Variants in CHCHD6 observed in about 807,000 individuals in gnomAD.
The protein encoded by CHCHD6 is coiled-coil-helix-coiled-coil-helix domain containing 6.
CHCHD6 carries 28 observed loss-of-function variants against 32.3 expected under a neutral mutation model. The observed-to-expected ratio is 0.87, with a 90% CI of 0.64 to 1.19. The LOEUF (loss-of-function observed/expected upper bound fraction) is 1.19. CHCHD6 is among the 50% of genes most tolerant of loss of function. The pLI is 0.00. For missense variants in CHCHD6, 333 were observed against 307.0 expected, an observed-to-expected ratio of 1.08 and a Z score of -0.63; for synonymous variants, 122 against 117.5, an observed-to-expected ratio of 1.04 and a Z score of -0.25.
chr3:126,956,482 C>T (rs545920996), intron 6 of CHCHD6, among the ~76,000 whole-genome samples: 3 of 152,334 alleles, frequency 2.0e-5, no homozygotes, highest in Admixed American at 6.5e-5. Flanking sequence ...GCATGATGAA[C>T]GATAGTGTCT....
intron 4 of CHCHD6, among the ~76,000 whole-genome samples, chr3:126,815,042 A>G (rs1939819231): frequency 6.6e-6 from 1 of 152,220 alleles, no homozygotes; most frequent in African/African-American, 2.4e-5. Context: ...TTGGGCTCAC[A>G]GAAGTCTTCT....
At chr3:126,839,570 C>T (rs1210336606) in intron 4 of CHCHD6, among the ~76,000 whole-genome samples, 1 of 152,024 alleles carries the variant, frequency 6.6e-6, no homozygotes, top group Non-Finnish European at 1.5e-5. Context: ...GATCATTGTG[C>T]TTTCCTCCCT....
intron 6 of CHCHD6, among the ~76,000 whole-genome samples, chr3:126,948,153 C>T (rs2078666656): frequency 6.6e-6 from 1 of 152,248 alleles, no homozygotes; most frequent in Non-Finnish European, 1.5e-5. Flanking sequence ...GGGTCCAACC[C>T]CTTTGCAGCA....
At chr3:126,789,710 A>G (rs1184761939) in intron 4 of CHCHD6, among the ~76,000 whole-genome samples, 2 of 152,114 alleles carry the variant, frequency 1.3e-5, no homozygotes, top group African/African-American at 2.4e-5. Flanking sequence ...TTTTGAGCCT[A>G]TATGTGTCTC....
chr3:126,938,581 A>G (rs145836903), intron 6 of CHCHD6, among the ~76,000 whole-genome samples: 4 of 152,386 alleles, frequency 2.6e-5, no homozygotes, highest in Non-Finnish European at 5.9e-5. Flanking sequence ...CATCAGCCAC[A>G]TTAAAAGACT....
At chr3:126,842,796 A>G (rs569000317) in intron 4 of CHCHD6, among the ~76,000 whole-genome samples, 3 of 141,110 alleles carry the variant, frequency 2.1e-5, no homozygotes, top group South Asian at 2.2e-4. Context: ...TGTCCTTTTC[A>G]TTGCACTGAA....
chr3:126,950,963 A>T (rs1185541305), intron 6 of CHCHD6, among the ~76,000 whole-genome samples: 2 of 152,236 alleles, frequency 1.3e-5, no homozygotes, highest in Non-Finnish European at 2.9e-5. Flanking sequence ...CATATGTCAT[A>T]GATGGGAAGC....
chr3:126,741,116 A>G (rs776070173), intron 4 of CHCHD6, among the ~76,000 whole-genome samples: 1 of 152,192 alleles, frequency 6.6e-6, no homozygotes, highest in Non-Finnish European at 1.5e-5. Flanking sequence ...ATGTTATCCT[A>G]GAGTGGTGTA....
intron 4 of CHCHD6, among the ~76,000 whole-genome samples, chr3:126,822,675 C>A (rs560863397): frequency 6.6e-6 from 1 of 152,236 alleles, no homozygotes; most frequent in Non-Finnish European, 1.5e-5. Context: ...TCATTTAGGT[C>A]TCTGATCACT....
At chr3:126,947,742 G>A (rs189200323) in intron 6 of CHCHD6, among the ~76,000 whole-genome samples, 6 of 152,158 alleles carry the variant, frequency 3.9e-5, no homozygotes, top group East Asian at 1.9e-4. Flanking sequence ...TTTTCTGCCC[G>A]TGCTGTTGAC....
At chr3:126,911,552 A>G (rs141848530) in intron 5 of CHCHD6, among the ~76,000 whole-genome samples, 3 of 152,358 alleles carry the variant, frequency 2.0e-5, no homozygotes, top group African/African-American at 4.8e-5. Context: ...TGAGTGGGGT[A>G]GGCGGGTCAG....
intron 1 of CHCHD6, among the ~76,000 whole-genome samples, chr3:126,717,809 T>C (rs535634407): frequency 6.6e-6 from 1 of 152,216 alleles, no homozygotes; most frequent in South Asian, 2.1e-4. Flanking sequence ...GGCTTGGGCC[T>C]CTCCCTGGCC....
intron 4 of CHCHD6, among the ~76,000 whole-genome samples, chr3:126,807,199 A>C (rs1017730764): frequency 6.6e-6 from 1 of 152,078 alleles, no homozygotes; most frequent in East Asian, 1.9e-4. Context: ...AAAGTATAAA[A>C]AAAAAAAAAT....
intron 6 of CHCHD6, among the ~76,000 whole-genome samples, chr3:126,934,312 G>A (rs2078446817): frequency 6.6e-6 from 1 of 152,116 alleles, no homozygotes; most frequent in Admixed American, 6.5e-5. Context: ...TGTCAGGAAT[G>A]CCCGGGAGTT....
chr3:126,862,143 C>G (rs1941922180), intron 5 of CHCHD6, among the ~76,000 whole-genome samples: 1 of 77,786 alleles, frequency 1.3e-5, no homozygotes, highest in Non-Finnish European at 2.5e-5. Context: ...CCTCCTCCAC[C>G]ATCACCACCT....
intron 4 of CHCHD6, among the ~76,000 whole-genome samples, chr3:126,842,368 T>C (rs1343165624): frequency 6.6e-6 from 1 of 152,214 alleles, no homozygotes; most frequent in Non-Finnish European, 1.5e-5. Context: ...GTGATTCAAA[T>C]GCACTTTAAA....
chr3:126,878,167 C>A (rs2077564334), intron 5 of CHCHD6, among the ~76,000 whole-genome samples: 1 of 152,180 alleles, frequency 6.6e-6, no homozygotes, highest in Non-Finnish European at 1.5e-5. Flanking sequence ...TAAGCAGAAT[C>A]AATATGAATT....
chr3:126,805,692 A>G (rs1939334161), intron 4 of CHCHD6, among the ~76,000 whole-genome samples: 1 of 152,196 alleles, frequency 6.6e-6, no homozygotes, highest in South Asian at 2.1e-4. Flanking sequence ...ACAGAATTGG[A>G]AAAAACTACT....
At chr3:126,782,180 GTCAC>G (rs1212507655) in intron 4 of CHCHD6, among the ~76,000 whole-genome samples, 1 of 152,212 alleles carries the variant, frequency 6.6e-6, no homozygotes, top group Non-Finnish European at 1.5e-5. Flanking sequence ...TTGTAATTAT[GTCAC>G]TCACCAGAAC....
Sources: allele counts gnomAD v4.1 joint callset (sites outside exome capture counted in the v4.1 genomes callset), GRCh38; gene constraint gnomAD v4.1.1; transcripts MANE v1.5; gene names NCBI Gene and HGNC (gene_info 2026-07-23, HGNC 2026-07-21).